FAM81A: variants seen among roughly 807,000 people sequenced by gnomAD.
The protein encoded by FAM81A is protein FAM81A.
In FAM81A, 19 loss-of-function variants were observed where a neutral mutation model predicts 46.7. That is an observed-to-expected ratio of 0.41 (90% CI 0.28 to 0.60). The LOEUF (loss-of-function observed/expected upper bound fraction) is 0.60, where lower values mean the gene tolerates loss of function less well. Ranked by LOEUF, FAM81A falls within the 20% of genes least tolerant of loss-of-function variation. The probability of loss-of-function intolerance (pLI) is 0.34; values close to 1 mark genes in which losing one functional copy is unlikely to be tolerated. For synonymous variants in FAM81A, 183 were observed against 152.9 expected (o/e 1.20, Z -1.45); for missense variants, 377 against 453.5 (o/e 0.83, Z 1.53).
chr15:59,484,622 G>A (rs1248096028), intron 3 of FAM81A, among the ~76,000 whole-genome samples: 2 of 152,340 alleles, frequency 1.3e-5, no homozygotes, highest in Non-Finnish European at 2.9e-5. Context: ...GCAGTGATAA[G>A]CAAGTAGTGT....
At chr15:59,398,181 T>G (rs1233221945) in intron 1 of FAM81A, among the ~76,000 whole-genome samples, 1 of 152,180 alleles carries the variant, frequency 6.6e-6, no homozygotes, top group Non-Finnish European at 1.5e-5. Flanking sequence ...ATATGAGTTA[T>G]GTTAGGTGAG....
At chr15:59,471,440 C>T (rs907946819) in intron 3 of FAM81A, among the ~76,000 whole-genome samples, 1 of 152,044 alleles carries the variant, frequency 6.6e-6, no homozygotes, top group South Asian at 2.1e-4. Flanking sequence ...ATTCCATCTC[C>T]TTTGTGACTA....
At chr15:59,493,135 G>A (rs1158314237) in intron 4 of FAM81A, among the ~76,000 whole-genome samples, 5 of 152,182 alleles carry the variant, frequency 3.3e-5, no homozygotes, top group African/African-American at 1.2e-4. Flanking sequence ...GGCACTTCCC[G>A]TCAGCCTGAG....
chr15:59,448,470 G>A (rs759378520), intron 1 of FAM81A, among the ~76,000 whole-genome samples: 64 of 152,144 alleles, frequency 4.2e-4, no homozygotes, highest in Non-Finnish European at 7.6e-4. Flanking sequence ...CTGGCTTCCA[G>A]GCCCTGGTTG....
chr15:59,471,791 A>G (rs1436416065), intron 3 of FAM81A, among the ~76,000 whole-genome samples: 1 of 152,104 alleles, frequency 6.6e-6, no homozygotes, highest in Non-Finnish European at 1.5e-5. Context: ...TGGCCTACAT[A>G]CATAGTTATC....
chr15:59,506,113 G>A (rs762746093), intron 4 of FAM81A, among the ~76,000 whole-genome samples: 16 of 152,036 alleles, frequency 1.1e-4, no homozygotes, highest in Non-Finnish European at 2.4e-4. Context: ...AGTCCACCTG[G>A]TCATCAAGAA....
chr15:59,479,436 G>A (rs569313070), intron 3 of FAM81A, among the ~76,000 whole-genome samples: 55 of 149,444 alleles, frequency 3.7e-4, no homozygotes, highest in Admixed American at 1.5e-3. Context: ...GCTTGAACCC[G>A]GGAGGCGGAG....
chr15:59,406,205 G>C (rs1169523807), intron 2 of FAM81A, among the ~76,000 whole-genome samples: 1 of 152,118 alleles, frequency 6.6e-6, no homozygotes, highest in Non-Finnish European at 1.5e-5. Flanking sequence ...AGCCAAGAAA[G>C]GATAAACACT....
At chr15:59,469,358 G>C (rs1340760162) in intron 3 of FAM81A, among the ~76,000 whole-genome samples, 5 of 152,070 alleles carry the variant, frequency 3.3e-5, no homozygotes, top group African/African-American at 1.2e-4. Flanking sequence ...TCTCTTTGTA[G>C]GTCTCTAAGG....
chr15:59,422,648 T>A (rs1287467116), intron 2 of FAM81A, among the ~76,000 whole-genome samples: 2 of 152,012 alleles, frequency 1.3e-5, no homozygotes, highest in African/African-American at 4.8e-5. Context: ...AGCTAATTTT[T>A]TGGAATTTTA....
chr15:59,506,813 T>A (rs1226063745), intron 4 of FAM81A, among the ~76,000 whole-genome samples: 1 of 152,152 alleles, frequency 6.6e-6, no homozygotes, highest in Non-Finnish European at 1.5e-5. Context: ...AGTTTAGAAG[T>A]AATATTTTCT....
chr15:59,414,152 C>G (rs1222958437), intron 2 of FAM81A, among the ~76,000 whole-genome samples: 1 of 152,124 alleles, frequency 6.6e-6, no homozygotes, highest in Non-Finnish European at 1.5e-5. Context: ...CAGGGTTTCA[C>G]CATGTTGGCC....
intron 4 of FAM81A, among the ~76,000 whole-genome samples, chr15:59,503,700 G>A (rs1287311007): frequency 6.6e-6 from 1 of 152,086 alleles, no homozygotes; most frequent in Non-Finnish European, 1.5e-5. Flanking sequence ...AGCCTCCTGA[G>A]TAGCTGGGAT....
intron 1 of FAM81A, among the ~76,000 whole-genome samples, chr15:59,446,878 C>CT (rs2081359212): frequency 6.6e-6 from 1 of 152,182 alleles, no homozygotes; most frequent in South Asian, 2.1e-4. Context: ...TAGCAAACTT[C>CT]TTTTAACTAA....
chr15:59,506,354 G>A (rs895505151), intron 4 of FAM81A, among the ~76,000 whole-genome samples: 3 of 152,090 alleles, frequency 2.0e-5, no homozygotes. Flanking sequence ...AGGAATAGAT[G>A]CCATGGTGGG....
At chr15:59,417,777 T>A (rs2081153532) in intron 2 of FAM81A, among the ~76,000 whole-genome samples, 1 of 152,086 alleles carries the variant, frequency 6.6e-6, no homozygotes, top group Admixed American at 6.6e-5. Flanking sequence ...TCCCTTTTAT[T>A]TTTTTTATTA....
chr15:59,466,997 G>C (rs2081622110), intron 3 of FAM81A, among the ~76,000 whole-genome samples: 2 of 152,128 alleles, frequency 1.3e-5, no homozygotes, highest in Admixed American at 1.3e-4. Context: ...TGTCAGGTTT[G>C]TCAAAGATCA....
At chr15:59,479,400 G>T (rs1477688338) in intron 3 of FAM81A, among the ~76,000 whole-genome samples, 2 of 151,610 alleles carry the variant, frequency 1.3e-5, no homozygotes, top group South Asian at 2.1e-4. Context: ...ACTCCCAGCT[G>T]CTTGGGAGGC....
chr15:59,477,089 C>T (rs1187481181), intron 3 of FAM81A, among the ~76,000 whole-genome samples: 3 of 150,840 alleles, frequency 2.0e-5, no homozygotes, highest in African/African-American at 7.3e-5. Flanking sequence ...CACTGCCCTC[C>T]AGCCTGGGCA....
Sources: gnomAD v4.1 joint callset for allele counts (sites outside exome capture counted in the v4.1 genomes callset) on GRCh38, gnomAD v4.1.1 for gene constraint, MANE v1.5 for transcripts, NCBI Gene and HGNC (gene_info 2026-07-23, HGNC 2026-07-21) for gene names.